Variants in TRIM37 observed in about 807,000 individuals in gnomAD.
TRIM37 encodes E3 ubiquitin-protein ligase TRIM37.
A neutral mutation model predicts 129.8 loss-of-function variants in TRIM37; 80 were observed. The observed-to-expected ratio is 0.62, with a 90% CI of 0.51 to 0.74. The LOEUF (loss-of-function observed/expected upper bound fraction) is 0.74, where lower values mean the gene tolerates loss of function less well. TRIM37 is among the 30% of genes least tolerant of loss of function. The pLI, the probability that TRIM37 is intolerant of heterozygous loss-of-function variation, is 0.00. For missense variants in TRIM37, 1,054 were observed against 1,176.5 expected, an observed-to-expected ratio of 0.90 and a Z score of 1.52; for synonymous variants, 389 against 387.1, an observed-to-expected ratio of 1.00 and a Z score of -0.06.
intron 20 of TRIM37, 69 bp downstream of exon 20, chr17:59,017,227 C>A (rs562665977): frequency 4.2e-5 from 66 of 1,580,808 alleles, no homozygotes; most frequent in Admixed American, 8.3e-5. Flanking sequence ...TAAAGCTCCA[C>A]GATAACATCA....
downstream of TRIM37, chr17:58,980,514 A>C (rs1160149734): frequency 6.2e-7 from 1 of 1,614,212 alleles, no homozygotes; most frequent in Admixed American, 1.7e-5. This position sits in a 1 kb window ranked among gnomAD's most constrained non-coding sequence, Gnocchi z 4.7. Flanking sequence ...CACAGTGCCC[A>C]GTTTTTGCTA....
intron 22 of TRIM37, among the ~76,000 whole-genome samples, chr17:59,002,267 T>A (rs2033878397): frequency 6.6e-6 from 1 of 152,216 alleles, no homozygotes. Flanking sequence ...AGGGTCTCGC[T>A]CTGTCACCCT....
At chr17:59,054,502 A>C (rs1203044685) in intron 13 of TRIM37, among the ~76,000 whole-genome samples, 2 of 152,024 alleles carry the variant, frequency 1.3e-5, no homozygotes, top group East Asian at 3.9e-4. Context: ...GGGTTTCACC[A>C]TGTTGCCCAG....
intron 10 of TRIM37, 140 bp downstream of exon 10, chr17:59,064,203 ATTATCTCTACAT>A: frequency 1.5e-6 from 1 of 664,112 alleles, no homozygotes; most frequent in Non-Finnish European, 2.6e-6. Context: ...TCCAGCACAA[ATTATCTCTACAT>A]TTCTAATAGG....
At chr17:58,994,976 C>T (rs990491991), downstream of TRIM37, among the ~76,000 whole-genome samples, 4 of 152,038 alleles carry the variant, frequency 2.6e-5, no homozygotes, top group Non-Finnish European at 5.9e-5. Context: ...CTCGAACTCC[C>T]GACCTCAGGT....
At chr17:59,016,396 C>CA (rs57120937) in intron 20 of TRIM37, among the ~76,000 whole-genome samples, 1,768 of 55,186 alleles carry the variant, frequency 0.032, 43 homozygotes, top group African/African-American at 0.094. Context: ...AACTCCATCT[C>CA]AAAAAAAAAA....
chr17:59,046,360 C>CA (rs1015715649), intron 16 of TRIM37, among the ~76,000 whole-genome samples: 3 of 152,150 alleles, frequency 2.0e-5, no homozygotes, highest in African/African-American at 7.2e-5. Context: ...GACATACTGA[C>CA]ATCATGCTCC....
In TRIM37 at chr17:58,998,769, A is replaced by C. The variant is rs758133310; in HGVS notation, c.*608T>G. 1.0e-5 allele frequency: 10 copies of C among 986,248 alleles called. No homozygotes were observed. Among genetic ancestry groups the C allele is most frequent in the Non-Finnish European group, 1.2e-5 (10 of 830,512 alleles). The allele number at this position is 986,248 out of a possible 1,614,324, so 61.1% of individuals were successfully genotyped here. A position where few individuals can be genotyped will look rare whatever the true frequency, so the allele number is the denominator to read the frequency against. On this transcript the variant is annotated 3_prime_UTR_variant, in exon 24 of 24. Coordinates refer to ENST00000262294, the MANE Select transcript of TRIM37 (RefSeq NM_015294.6). ...ACATTTGTAGAAGTCACACAACAGAAAGATACCATGCGGTTGAACAGTGTG... is the reference window on the plus strand; with the variant it reads ...ACATTTGTAGAAGTCACACAACAGACAGATACCATGCGGTTGAACAGTGTG...
chr17:59,051,459 T>A, intron 13 of TRIM37, 131 bp from the exon 14 acceptor site: 1 of 705,318 alleles, frequency 1.4e-6, no homozygotes, highest in East Asian at 2.7e-5. Context: ...GCTGCTAGTA[T>A]TTGTTGTTTA....
rs1475495551 is a variant in TRIM37, at chr17:59,012,410, C to A, written c.2613G>T (p.Gln871His). ...NAKGGHLEGL[Q>H]MTDLENNSET... ...CAGAATTATTTTCCAAATCAGTCAT[C>A]TGCAGTCCTTCCAGATGACCTCCTT... The change falls in exon 22 of 24, where the codon CAG becomes CAT. Residue 871 changes from glutamine (Q) to histidine (H), a missense_variant. Gln to His is a conservative substitution (Grantham distance 24). Around this residue, in one of 3 missense-constraint regions of TRIM37, gnomAD observed 287 missense variants for 274.3 expected, o/e 1.05. Transcript: ENST00000262294. The A allele has an allele frequency of 6.2e-7, 1 of 1,611,988 alleles. No homozygotes were observed. The highest frequency in any genetic ancestry group is 1.7e-5 in the Admixed American group (1 of 60,012).
At chr17:58,981,024 T>C (rs1391979618), downstream of TRIM37, 2 of 1,581,948 alleles carry the variant, frequency 1.3e-6, no homozygotes, top group African/African-American at 1.4e-5. Context: ...AGCTATAAAA[T>C]AGAATAATTT....
chr17:59,047,802 T>C lies in TRIM37; in HGVS notation c.1548A>G (p.Gly516=). The part of the protein sequence containing the change: ...NEDYHHELSD[G]DLDLDLVYED... ...CATAAACAAGATCCAGATCCAGATC[T>C]CCATCTGAAAGCTCGTGCTAGATCA... Residue 516 remains glycine, a synonymous_variant, in exon 16 of 24, where the codon GGA becomes GGG. Transcript: ENST00000262294. 1.9e-6 allele frequency: 3 copies of C among 1,614,078 alleles called. No individual in the cohort carries two copies. Among genetic ancestry groups the C allele is most frequent in the Non-Finnish European group, 2.5e-6 (3 of 1,180,040 alleles).
intron 13 of TRIM37, 117 bp downstream of exon 13, chr17:59,056,758 T>A (rs1345866447): frequency 1.4e-5 from 6 of 420,290 alleles, no homozygotes; most frequent in Non-Finnish European, 2.3e-5. Flanking sequence ...GGTGATAAGG[T>A]TATAGTTAGT....
intron 19 of TRIM37, among the ~76,000 whole-genome samples, chr17:59,025,420 T>C (rs574697917): frequency 3.0e-4 from 45 of 151,466 alleles, no homozygotes; most frequent in African/African-American, 1.1e-3. Context: ...ATGTCATGAA[T>C]GTTAATTATA....
intron 7 of TRIM37, 82 bp downstream of exon 7, chr17:59,079,672 A>G (rs577821039): frequency 7.5e-5 from 116 of 1,556,252 alleles, no homozygotes; most frequent in Admixed American, 1.7e-4. Flanking sequence ...CCTTCCTAGG[A>G]TGATCACCCT....
At position 59,106,587 on chromosome 17, in the gene TRIM37, G is replaced by T; in HGVS notation, c.-126C>A. 1 of 1,159,324 alleles carries T rather than the reference G, an allele frequency of 8.6e-7. No individual in the cohort carries two copies. Among genetic ancestry groups the T allele is most frequent in the South Asian group, 1.3e-5 (1 of 76,536 alleles). 71.8% of individuals were successfully genotyped at this position (1,159,324 alleles called of 1,614,324 possible). On this transcript the variant is annotated 5_prime_UTR_variant, in exon 1 of 24. Transcript: ENST00000262294. ...CCCGGCGCCCACGTCAGGGGGCTCT[G>T]ACAACCGCCCCACCTGCGCGCCCCA...
chr17:59,103,867 C>T (rs927773802), intron 2 of TRIM37, among the ~76,000 whole-genome samples: 12 of 152,078 alleles, frequency 7.9e-5, no homozygotes, highest in Admixed American at 1.3e-4. Context: ...AGGATGGTCT[C>T]GATCTCTTGA....
intron 4 of TRIM37, among the ~76,000 whole-genome samples, chr17:59,085,082 T>C (rs2043632425): frequency 2.0e-5 from 3 of 152,162 alleles, no homozygotes; most frequent in African/African-American, 4.8e-5. Flanking sequence ...CCCAGCACTT[T>C]AGGAGGCCAA....
intron 24 of TRIM37, among the ~76,000 whole-genome samples, chr17:58,992,356 T>G (rs969991183): frequency 6.7e-6 from 1 of 148,568 alleles, no homozygotes; most frequent in Non-Finnish European, 1.5e-5. Context: ...TACAGAGTAC[T>G]GTCAACCAGG....
Sources: allele counts gnomAD v4.1 joint callset (sites outside exome capture counted in the v4.1 genomes callset), GRCh38; gene constraint gnomAD v4.1.1; regional missense constraint gnomAD v4.1.1; non-coding constraint Gnocchi (gnomAD v3.1); transcripts MANE v1.5; gene names NCBI Gene and HGNC (gene_info 2026-07-23, HGNC 2026-07-21).